ANKRD30A: variants seen among roughly 807,000 people sequenced by gnomAD.
ANKRD30A encodes ankyrin repeat domain 30A, also known as ankyrin repeat domain-containing protein 30A.
In ANKRD30A, 170 loss-of-function variants were observed where a neutral mutation model predicts 166.3. The ratio of observed to expected loss-of-function variants is 1.02; its 90% CI spans 0.90 to 1.16. ANKRD30A has a LOEUF of 1.16. Ranked by LOEUF, ANKRD30A falls within the 50% of genes most tolerant of loss-of-function variation. The pLI is 0.00. For synonymous variants in ANKRD30A, 564 were observed against 508.9 expected (o/e 1.11, Z -1.46); for missense variants, 1,630 against 1,518.0 (o/e 1.07, Z -1.23).
At position 37,224,675 on chromosome 10, in the gene ANKRD30A, A is replaced by T. The variant is rs1057399229; in HGVS notation, c.4185+4778A>T. On this transcript the variant is annotated intron_variant, in intron 34 of 35. Transcript: ENST00000361713. ...TTAATTTGTTCTCTGATTCCAATTA[A>T]TATTTTTCTCTCATTATCTTTCTCT... Among the ~76,000 whole-genome samples the T allele has an allele frequency of 4.0e-5, 6 of 151,448 alleles. No individual in the cohort carries two copies. The Admixed American group carries it at 4.0e-4, about 10-fold the overall frequency.
Position 37,219,007 on chromosome 10 carries a change from T to A in ANKRD30A, c.3295T>A (p.Tyr1099Asn). ...TTCTCACACTCATGAAAATGAAAAT[T>A]ATCTCTTACATGAAAATTGCATGTT... Reference protein sequence around the residue: ...QVSHTHENENYLLHENCMLKK... With the variant: ...QVSHTHENENNLLHENCMLKK... Residue 1099 changes from tyrosine (Y) to asparagine (N), a missense_variant, in exon 34 of 36, where the codon TAT becomes AAT. Coordinates refer to ENST00000361713, the MANE Select transcript of ANKRD30A (RefSeq NM_052997.3). 1 of 1,588,302 alleles carries A rather than the reference T, an allele frequency of 6.3e-7. No homozygotes were observed.
chr10:37,165,731 T>G (rs1011094406), intron 18 of ANKRD30A, among the ~76,000 whole-genome samples: 1 of 152,154 alleles, frequency 6.6e-6, no homozygotes, highest in Admixed American at 6.6e-5. Context: ...TTGAAAAATA[T>G]AAATTATATT....
At chr10:37,178,002 A>C (rs1231912652) in intron 24 of ANKRD30A, among the ~76,000 whole-genome samples, 1 of 150,778 alleles carries the variant, frequency 6.6e-6, no homozygotes, top group Non-Finnish European at 1.5e-5. Flanking sequence ...GAAAATGAGA[A>C]AATAAGAAAG....
At chr10:37,205,034 A>G (rs1448245478) in intron 31 of ANKRD30A, among the ~76,000 whole-genome samples, 1 of 152,204 alleles carries the variant, frequency 6.6e-6, no homozygotes, top group Non-Finnish European at 1.5e-5. Flanking sequence ...TGTGGAAGAC[A>G]GTGTGGTGAT....
In ANKRD30A at chr10:37,140,690, A is replaced by G. The variant is rs544560270; in HGVS notation, c.821-1028A>G. On this transcript the variant is annotated intron_variant, in intron 6 of 35. Coordinates refer to ENST00000361713, the MANE Select transcript of ANKRD30A (RefSeq NM_052997.3). ...AAATATTATCATTATAAATATTCAA[A>G]TAGCTTAACTCTAGGCTCAACAAAT... 1.7e-3 allele frequency among the ~76,000 whole-genome samples: 258 copies of G among 152,338 alleles called. 2 individuals carry two copies. Among genetic ancestry groups the G allele is most frequent in the African/African-American group, 6.0e-3 (250 of 41,582 alleles).
intron 29 of ANKRD30A, 117 bp from the exon 30 acceptor site, chr10:37,199,610 A>G (rs1319722924): frequency 3.6e-6 from 2 of 558,814 alleles, no homozygotes; most frequent in Non-Finnish European, 6.3e-6. Context: ...CAAAAAGAAT[A>G]TACGGGCTAC....
chr10:37,161,009 G>A (rs1193255858), intron 15 of ANKRD30A, among the ~76,000 whole-genome samples: 12 of 152,136 alleles, frequency 7.9e-5, no homozygotes, highest in Admixed American at 7.2e-4. Flanking sequence ...ATCCCAGCAC[G>A]TTGGGAGGCC....
At chr10:37,262,537 AAAGT>A in the ANKRD30A span, 1 of 158,482 alleles carries the variant, frequency 6.3e-6, no homozygotes, top group East Asian at 1.9e-4. Flanking sequence ...AGCTTGGACT[AAAGT>A]AAGTTTTGTC....
Position 37,229,269 on chromosome 10 carries a change from G to A in ANKRD30A, c.4186-2192G>A, listed in dbSNP as rs569882763. Among the ~76,000 whole-genome samples, 9 of 152,018 alleles carry A rather than the reference G, an allele frequency of 5.9e-5. No individual in the cohort carries two copies. In the South Asian group the frequency reaches 1.0e-3, roughly 17 times the overall value. On this transcript the variant is annotated intron_variant, in intron 34 of 35. Coordinates refer to ENST00000361713, the MANE Select transcript of ANKRD30A (RefSeq NM_052997.3). The stretch of plus-strand genomic sequence containing the variant: ...TACCCCCTTCTCCTGTTTTGAGTGA[G>A]GATGGTCAGGCCACATTCTATTCAT...
At chr10:37,192,406 G>T (rs548614834) in intron 25 of ANKRD30A, among the ~76,000 whole-genome samples, 2 of 152,138 alleles carry the variant, frequency 1.3e-5, no homozygotes, top group Admixed American at 1.3e-4. Context: ...GAAATTTTAA[G>T]AGGACTAAAC....
intron 1 of ANKRD30A, among the ~76,000 whole-genome samples, chr10:37,128,207 CAT>C (rs1255587334): frequency 6.6e-6 from 1 of 151,948 alleles, no homozygotes; most frequent in Non-Finnish European, 1.5e-5. Flanking sequence ...TATTTGAGGA[CAT>C]TTGTTTTAAT....
intron 31 of ANKRD30A, among the ~76,000 whole-genome samples, chr10:37,212,177 G>C (rs1564577120): frequency 6.6e-6 from 1 of 151,956 alleles, no homozygotes; most frequent in Non-Finnish European, 1.5e-5. Context: ...AAAGTCTCAG[G>C]ATACAAAATC....
chr10:37,132,559 G>C (rs374330707), intron 4 of ANKRD30A, among the ~76,000 whole-genome samples: 2 of 152,164 alleles, frequency 1.3e-5, no homozygotes, highest in African/African-American at 4.8e-5. Flanking sequence ...TGATTCCTAT[G>C]TGTAATCTGA....
chr10:37,135,024 G>T (rs1836595663), intron 5 of ANKRD30A, among the ~76,000 whole-genome samples: 1 of 152,136 alleles, frequency 6.6e-6, no homozygotes. Flanking sequence ...GTTCCAACTT[G>T]TGGTTATACC....
intron 13 of ANKRD30A, among the ~76,000 whole-genome samples, chr10:37,157,747 A>C (rs1022992798): frequency 3.0e-4 from 46 of 152,304 alleles, no homozygotes; most frequent in African/African-American, 1.0e-3. Context: ...GGACTAAACT[A>C]GAGAACCCTA....
chr10:37,240,019 T>C, the ANKRD30A span, among the ~76,000 whole-genome samples: 1 of 152,086 alleles, frequency 6.6e-6, no homozygotes, highest in African/African-American at 2.4e-5. Flanking sequence ...TTCAGATTTA[T>C]TAATTGGTTT....
rs564020781 is a variant in ANKRD30A, at chr10:37,217,734, C to T, written c.3123C>T (p.Ala1041=). The T allele has an allele frequency of 6.1e-5, 97 of 1,585,984 alleles. No homozygotes were observed. In the East Asian group the frequency reaches 6.9e-4, roughly 11 times the overall value. The change falls in exon 33 of 36, where the codon GCC becomes GCT. Residue 1041 remains alanine (A), a synonymous_variant. Coordinates refer to ENST00000361713, the MANE Select transcript of ANKRD30A (RefSeq NM_052997.3). ...LNQEEEKRRN[A]DILNEKIREE... ...AAGAAGAAGAGAAGAGAAGAAATGC[C>T]GATATATTAAATGAAAAAATTAGGG...
intron 33 of ANKRD30A, 91 bp downstream of exon 33, chr10:37,217,969 A>C (rs1438266640): frequency 3.2e-6 from 3 of 937,588 alleles, no homozygotes; most frequent in South Asian, 2.7e-5. Flanking sequence ...TGTATTATTC[A>C]GGTCTAAATC....
At chr10:37,220,911 A>G (rs934431786) in intron 34 of ANKRD30A, among the ~76,000 whole-genome samples, 2 of 151,244 alleles carry the variant, frequency 1.3e-5, no homozygotes, top group Non-Finnish European at 1.5e-5. Flanking sequence ...TTATTCTGAG[A>G]TAGAAATCTA....
Sources: gnomAD v4.1 joint callset for allele counts (sites outside exome capture counted in the v4.1 genomes callset) on GRCh38, gnomAD v4.1.1 for gene constraint, MANE v1.5 for transcripts, NCBI Gene and HGNC (gene_info 2026-07-23, HGNC 2026-07-21) for gene names.